The following EYA3 variants were observed in gnomAD, a reference collection of about 807,000 sequenced individuals.
The protein encoded by EYA3 is protein phosphatase EYA3.
Under a neutral mutation model 80.0 loss-of-function variants are expected in EYA3, and 39 were observed. The ratio of observed to expected loss-of-function variants is 0.49; its 90% CI spans 0.38 to 0.64. The LOEUF (loss-of-function observed/expected upper bound fraction) is 0.64, where lower values mean the gene tolerates loss of function less well. EYA3 is among the 30% of genes least tolerant of loss of function. EYA3 has a pLI of 0.00. For synonymous variants in EYA3, 206 were observed against 232.8 expected (o/e 0.88, Z 1.05); for missense variants, 523 against 676.1 (o/e 0.77, Z 2.51).
chr1:28,012,513 A>G (rs1478570548), intron 9 of EYA3, among the ~76,000 whole-genome samples: 2 of 152,216 alleles, frequency 1.3e-5, no homozygotes, highest in African/African-American at 4.8e-5. Flanking sequence ...AAAGCCAACT[A>G]CCAAATTTTC....
At chr1:28,046,908 C>T (rs566505872) in intron 3 of EYA3, among the ~76,000 whole-genome samples, 81 of 151,248 alleles carry the variant, frequency 5.4e-4, no homozygotes, top group Non-Finnish European at 2.5e-4. Flanking sequence ...AGTTCAGTGG[C>T]GCAATCTTGG....
At chr1:28,000,425 G>A (rs1250238891) in intron 11 of EYA3, among the ~76,000 whole-genome samples, 1 of 151,776 alleles carries the variant, frequency 6.6e-6, no homozygotes, top group Non-Finnish European at 1.5e-5. Context: ...CCATTCTCCT[G>A]CCTCAGCCTC....
chr1:28,021,668 A>G (rs1352148648), intron 7 of EYA3, among the ~76,000 whole-genome samples: 2 of 150,928 alleles, frequency 1.3e-5, no homozygotes, highest in African/African-American at 4.9e-5. Flanking sequence ...CAGTGGTATG[A>G]TCTTGGCTCA....
intron 1 of EYA3, among the ~76,000 whole-genome samples, chr1:28,073,904 T>A (rs1222678192): frequency 6.6e-6 from 1 of 152,232 alleles, no homozygotes; most frequent in Non-Finnish European, 1.5e-5. Context: ...TCTATGACTG[T>A]AATACAAACA....
intron 16 of EYA3, among the ~76,000 whole-genome samples, chr1:27,981,773 A>AG (rs1372476006): frequency 2.0e-5 from 3 of 151,660 alleles, no homozygotes; most frequent in African/African-American, 4.8e-5. Flanking sequence ...CAAAAAAAAA[A>AG]AAAAAAGAAA....
At chr1:27,998,733 A>G (rs1446535168) in intron 12 of EYA3, among the ~76,000 whole-genome samples, 1 of 151,786 alleles carries the variant, frequency 6.6e-6, no homozygotes, top group Non-Finnish European at 1.5e-5. Flanking sequence ...AAAAAAGATT[A>G]AAAAAATGAT....
chr1:28,027,092 T>C lies in EYA3; in HGVS notation c.499+697A>G, dbSNP rs559560765. On this transcript the variant is annotated intron_variant, in intron 7 of 17. Coordinates refer to ENST00000373871, the MANE Select transcript of EYA3 (RefSeq NM_001990.4). ...GAAATATCAGGAGAAAAGAGGCAGATGAGAAGCCAGGTACAAGGATACTAG... is the reference window on the plus strand; with the variant it reads ...GAAATATCAGGAGAAAAGAGGCAGACGAGAAGCCAGGTACAAGGATACTAG... Among the ~76,000 whole-genome samples the C allele has an allele frequency of 3.5e-4, 54 of 152,274 alleles. 1 individual carries two copies. In the South Asian group the frequency reaches 0.01, roughly 29 times the overall value.
chr1:27,970,644 GC>G lies in EYA3; in HGVS notation c.*3821del. ...AGGGACAGATGGCCTGCTGACTGGG[GC>G]TGAGGCAGAACTAGATTTTCTCTCT... On this transcript the variant is annotated 3_prime_UTR_variant, in exon 18 of 18. Coordinates refer to ENST00000373871, the MANE Select transcript of EYA3 (RefSeq NM_001990.4). 6.6e-6 allele frequency: 1 copy of G among 152,384 alleles called. No homozygotes were observed. Among genetic ancestry groups the G allele is most frequent in the Admixed American group, 6.5e-5 (1 of 15,304 alleles). The allele number at this position is 152,384 out of a possible 1,614,324, so 9.4% of individuals were successfully genotyped here. A position where few individuals can be genotyped will look rare whatever the true frequency, so the allele number is the denominator to read the frequency against.
chr1:28,012,256 C>T (rs1383080759), intron 9 of EYA3, among the ~76,000 whole-genome samples: 3 of 152,092 alleles, frequency 2.0e-5, no homozygotes, highest in Non-Finnish European at 2.9e-5. Flanking sequence ...TGAAATTCTC[C>T]AATATTCAAA....
chr1:28,073,102 A>ATT (rs1461246595), intron 1 of EYA3, among the ~76,000 whole-genome samples: 17 of 55,784 alleles, frequency 3.0e-4, no homozygotes, highest in African/African-American at 1.6e-3. Flanking sequence ...TGATGAAACT[A>ATT]TTATATATAT....
At chr1:27,988,760 T>A (rs1365726480) in intron 15 of EYA3, 104 bp from the exon 16 acceptor site, 1 of 1,313,702 alleles carries the variant, frequency 7.6e-7, no homozygotes, top group African/African-American at 1.5e-5. Context: ...AAAATTAACT[T>A]TAAAGGACCT....
intron 15 of EYA3, 53 bp from the exon 16 acceptor site, chr1:27,988,709 C>T: frequency 6.3e-7 from 1 of 1,596,814 alleles, no homozygotes; most frequent in South Asian, 1.1e-5. Context: ...AACCTGGGAG[C>T]AAGAATTCGT....
chr1:27,978,309 T>C, intron 17 of EYA3, 65 bp downstream of exon 17: 1 of 1,176,580 alleles, frequency 8.5e-7, no homozygotes, highest in East Asian at 2.4e-5. Context: ...GATTTTGTAG[T>C]TTTTCCCATT....
chr1:28,084,523 AGAT>A (rs1645541013), intron 1 of EYA3, among the ~76,000 whole-genome samples: 1 of 136,770 alleles, frequency 7.3e-6, no homozygotes, highest in South Asian at 2.4e-4. Context: ...TAAACCAATT[AGAT>A]GAACATCTGG....
chr1:28,033,777 C>G (rs1485325513), intron 6 of EYA3, among the ~76,000 whole-genome samples: 1 of 151,290 alleles, frequency 6.6e-6, no homozygotes, highest in Non-Finnish European at 1.5e-5. Flanking sequence ...GCCTCAGCCT[C>G]CTGAGTAGCT....
chr1:28,083,772 T>C (rs1284272593), intron 1 of EYA3, among the ~76,000 whole-genome samples: 1 of 152,234 alleles, frequency 6.6e-6, no homozygotes, highest in African/African-American at 2.4e-5. Flanking sequence ...CTAATTATGT[T>C]GTCTTACGTT....
At chr1:28,080,945 G>A (rs896427805) in intron 1 of EYA3, among the ~76,000 whole-genome samples, 5 of 151,708 alleles carry the variant, frequency 3.3e-5, no homozygotes, top group South Asian at 2.1e-4. Flanking sequence ...TGGTAGAGAC[G>A]GGGTTTCACC....
Position 27,977,192 on chromosome 1 carries a change from A to G in EYA3, c.1641+1182T>C, listed in dbSNP as rs1029636834. ...AGAAGCACTTTAGAATCAAAGCTTC[A>G]TAACATATGTGAAAAAATAAGGATC... On this transcript the variant is annotated intron_variant, in intron 17 of 17. Transcript: ENST00000373871. 74 of 1,479,304 alleles carry G rather than the reference A, an allele frequency of 5.0e-5. 1 individual carries two copies. Among genetic ancestry groups the G allele is most frequent in the Non-Finnish European group, 5.8e-5 (65 of 1,115,994 alleles). 91.6% of individuals were successfully genotyped at this position (1,479,304 alleles called of 1,614,324 possible).
At chr1:28,018,109 T>C (rs752224997) in intron 7 of EYA3, among the ~76,000 whole-genome samples, 7 of 151,574 alleles carry the variant, frequency 4.6e-5, no homozygotes, top group Non-Finnish European at 7.4e-5. Flanking sequence ...GACATGAGAA[T>C]CGCTTGAACT....
Sources: gnomAD v4.1 joint callset for allele counts (sites outside exome capture counted in the v4.1 genomes callset) on GRCh38, gnomAD v4.1.1 for gene constraint, MANE v1.5 for transcripts, NCBI Gene and HGNC (gene_info 2026-07-23, HGNC 2026-07-21) for gene names.